The following PPARGC1A variants were observed in gnomAD, a reference collection of about 807,000 sequenced individuals.
PPARGC1A encodes the protein PPARG coactivator 1 alpha, also known as peroxisome proliferator-activated receptor gamma coactivator 1-alpha.
PPARGC1A carries 25 observed loss-of-function variants against 88.7 expected under a neutral mutation model. That is an observed-to-expected ratio of 0.28 (90% CI 0.21 to 0.39). PPARGC1A has a LOEUF of 0.39. Among genes scored for constraint, PPARGC1A ranks in the 10% least tolerant of loss-of-function variants. The pLI, the probability that PPARGC1A is intolerant of heterozygous loss-of-function variation, is 1.00. For missense variants in PPARGC1A, 880 were observed against 968.7 expected, an observed-to-expected ratio of 0.91 and a Z score of 1.22; for synonymous variants, 363 against 355.6, an observed-to-expected ratio of 1.02 and a Z score of -0.24.
In PPARGC1A at chr4:23,857,291, C is replaced by T. The variant is rs112198439; in HGVS notation, c.235-25540G>A. Among the ~76,000 whole-genome samples the T allele has an allele frequency of 5.1e-3, 773 of 150,380 alleles. 8 individuals are homozygous for T. Among genetic ancestry groups the T allele is most frequent in the African/African-American group, 0.018 (731 of 41,114 alleles). On this transcript the variant is annotated intron_variant, in intron 2 of 12. Coordinates refer to ENST00000264867, the MANE Select transcript of PPARGC1A (RefSeq NM_013261.5). ...AAATGCCAAAGAGATGCAGAAACCACAAGATGGAGGACTCGCCTTTGGCAA... is the reference window on the plus strand; with the variant it reads ...AAATGCCAAAGAGATGCAGAAACCATAAGATGGAGGACTCGCCTTTGGCAA...
At chr4:24,263,993 C>T in the PPARGC1A span, among the ~76,000 whole-genome samples, 13 of 152,188 alleles carry the variant, frequency 8.5e-5, no homozygotes, top group South Asian at 6.2e-4. Flanking sequence ...TCAAGTGATC[C>T]GCTTGCCTCA....
At chr4:24,193,609 CAT>C in the PPARGC1A span, among the ~76,000 whole-genome samples, 1 of 152,220 alleles carries the variant, frequency 6.6e-6, no homozygotes, top group African/African-American at 2.4e-5. Context: ...ATAGGGACGC[CAT>C]ATATGTTTCA....
At chr4:23,927,324 C>T in the PPARGC1A span, among the ~76,000 whole-genome samples, 3 of 152,118 alleles carry the variant, frequency 2.0e-5, no homozygotes, top group African/African-American at 7.2e-5. Context: ...TATTATATGT[C>T]CAGGACTGTC....
chr4:24,321,613 G>A, the PPARGC1A span, among the ~76,000 whole-genome samples: 1 of 152,226 alleles, frequency 6.6e-6, no homozygotes, highest in Non-Finnish European at 1.5e-5. Flanking sequence ...CACCAATAGA[G>A]ATGTTTACGG....
At chr4:24,331,560 C>A in the PPARGC1A span, among the ~76,000 whole-genome samples, 2 of 152,162 alleles carry the variant, frequency 1.3e-5, no homozygotes, top group Non-Finnish European at 2.9e-5. Flanking sequence ...CCTATAGTAA[C>A]ATCTCAAAAA....
chr4:24,287,950 C>T, the PPARGC1A span, among the ~76,000 whole-genome samples: 1 of 152,080 alleles, frequency 6.6e-6, no homozygotes, highest in African/African-American at 2.4e-5. Flanking sequence ...ACCAGCTGAT[C>T]CAGCAGCTCC....
chr4:23,950,892 A>T, the PPARGC1A span, among the ~76,000 whole-genome samples: 1 of 152,184 alleles, frequency 6.6e-6, no homozygotes, highest in Non-Finnish European at 1.5e-5. Flanking sequence ...CCCAAAAGTC[A>T]TCTCAGGAGC....
At chr4:24,364,065 A>C in the PPARGC1A span, among the ~76,000 whole-genome samples, 1 of 152,150 alleles carries the variant, frequency 6.6e-6, no homozygotes, top group Non-Finnish European at 1.5e-5. Context: ...CTTGCCCAAA[A>C]TCACCCAAAT....
chr4:24,402,021 G>A, the PPARGC1A span, among the ~76,000 whole-genome samples: 1 of 152,182 alleles, frequency 6.6e-6, no homozygotes, highest in Admixed American at 6.5e-5. Flanking sequence ...CACCCACTCC[G>A]CGGCTGCTCT....
the PPARGC1A span, among the ~76,000 whole-genome samples, chr4:24,103,713 G>A: frequency 6.6e-6 from 1 of 152,044 alleles, no homozygotes; most frequent in East Asian, 1.9e-4. Context: ...TTGGTAGGGT[G>A]CTGAAGCCTA....
chr4:24,440,972 G>A, the PPARGC1A span, among the ~76,000 whole-genome samples: 12 of 152,178 alleles, frequency 7.9e-5, no homozygotes, highest in East Asian at 1.2e-3. Flanking sequence ...AACGATTGAC[G>A]GAGAAGCAGC....
chr4:23,976,374 G>A, the PPARGC1A span, among the ~76,000 whole-genome samples: 17 of 152,290 alleles, frequency 1.1e-4, no homozygotes, highest in African/African-American at 3.6e-4. Context: ...GTGAGGGTGG[G>A]GATGGGGGTG....
chr4:23,882,286 G>A (rs972614620), intron 2 of PPARGC1A, among the ~76,000 whole-genome samples: 6 of 152,232 alleles, frequency 3.9e-5, no homozygotes, highest in East Asian at 1.9e-4. Flanking sequence ...ATCGTTATAC[G>A]ACTTCTCATT....
At chr4:24,111,856 A>T in the PPARGC1A span, among the ~76,000 whole-genome samples, 1 of 152,236 alleles carries the variant, frequency 6.6e-6, no homozygotes, top group African/African-American at 2.4e-5. Context: ...ATAGCCACAC[A>T]TATATAGCTC....
chr4:24,060,034 G>A, the PPARGC1A span, among the ~76,000 whole-genome samples: 1 of 152,186 alleles, frequency 6.6e-6, no homozygotes, highest in African/African-American at 2.4e-5. Flanking sequence ...AGAGAGCACT[G>A]AGCATGAAGA....
At chr4:23,942,075 GA>G in the PPARGC1A span, among the ~76,000 whole-genome samples, 28 of 148,388 alleles carry the variant, frequency 1.9e-4, no homozygotes, top group South Asian at 4.3e-4. Context: ...AAGATAGTGG[GA>G]AAAAAAAAAG....
At chr4:24,332,546 T>G in the PPARGC1A span, among the ~76,000 whole-genome samples, 24 of 152,230 alleles carry the variant, frequency 1.6e-4, no homozygotes, top group Admixed American at 1.6e-3. Flanking sequence ...ATCTTTACCT[T>G]GTGTCTCATT....
chr4:24,148,492 G>C, the PPARGC1A span, among the ~76,000 whole-genome samples: 1 of 152,142 alleles, frequency 6.6e-6, no homozygotes, highest in Admixed American at 6.5e-5. Flanking sequence ...TATTTGTGGA[G>C]CAACTACTAT....
the PPARGC1A span, among the ~76,000 whole-genome samples, chr4:24,287,481 A>G: frequency 9.2e-5 from 14 of 152,290 alleles, no homozygotes; most frequent in African/African-American, 2.2e-4. Context: ...CTAGCCACTT[A>G]TCTATGAATA....
Sources: gnomAD v4.1 joint callset for allele counts (sites outside exome capture counted in the v4.1 genomes callset) on GRCh38, gnomAD v4.1.1 for gene constraint, MANE v1.5 for transcripts, NCBI Gene and HGNC (gene_info 2026-07-23, HGNC 2026-07-21) for gene names.